The following MTO1 variants were observed in gnomAD, a reference collection of about 807,000 sequenced individuals.
MTO1 encodes the protein 5-taurinomethyluridine-[tRNA] synthase subunit MTO1, mitochondrial.
Under a neutral mutation model 71.6 loss-of-function variants are expected in MTO1, and 46 were observed. That is an observed-to-expected ratio of 0.64 (90% CI 0.51 to 0.82). MTO1 has a LOEUF of 0.82. Among genes scored for constraint, MTO1 ranks in the 40% least tolerant of loss-of-function variants. MTO1 has a pLI of 0.00. For synonymous variants in MTO1, 297 were observed against 312.1 expected (o/e 0.95, Z 0.51); for missense variants, 773 against 867.5 (o/e 0.89, Z 1.37).
chr6:73,496,869 A>G (rs185500613), intron 10 of MTO1, among the ~76,000 whole-genome samples: 11 of 151,852 alleles, frequency 7.2e-5, no homozygotes, highest in African/African-American at 2.7e-4. Flanking sequence ...CCTGGCTAAC[A>G]TGGTGAAAAC....
rs1713862 is a variant in MTO1 at position 73,461,744 on chromosome 6, C to A, written c.-111C>A. 3.7e-6 allele frequency: 4 copies of A among 1,092,624 alleles called. No homozygotes were observed. Among genetic ancestry groups the A allele is most frequent in the African/African-American group, 3.1e-5 (2 of 63,824 alleles). The allele number at this position is 1,092,624 out of a possible 1,614,324, so 67.7% of individuals were successfully genotyped here. On this transcript the variant is annotated 5_prime_UTR_variant, in exon 1 of 12. Transcript: ENST00000498286. Reference sequence around the variant, plus strand: ...GCGACGCTGGACGTAGACGTCCTACCCCGTGATATTAAAGCAAGATGGCCG... The same window carrying A: ...GCGACGCTGGACGTAGACGTCCTACACCGTGATATTAAAGCAAGATGGCCG...
At chr6:73,469,100 C>T (rs1771075818) in intron 3 of MTO1, among the ~76,000 whole-genome samples, 2 of 152,076 alleles carry the variant, frequency 1.3e-5, no homozygotes, top group African/African-American at 4.8e-5. Context: ...CCTCCACCTC[C>T]CAGAGGTGAT....
chr6:73,482,209 G>A lies in MTO1; in HGVS notation c.1430G>A (p.Arg477His), dbSNP rs201544686. The A allele has an allele frequency of 1.5e-4, 239 of 1,614,060 alleles. No individual in the cohort carries two copies. The highest frequency in any genetic ancestry group is 1.6e-4 in the Non-Finnish European group (190 of 1,180,024). Reference sequence around the variant, plus strand: ...CGAGTAGAGTTCCGTTTGTCACTGCGCCCTGATAATGCTGACAGCCGGCTC... The same window carrying A: ...CGAGTAGAGTTCCGTTTGTCACTGCACCCTGATAATGCTGACAGCCGGCTC... Reference protein sequence around the residue: ...TSRVEFRLSLRPDNADSRLTL... With the variant: ...TSRVEFRLSLHPDNADSRLTL... Residue 477 changes from arginine (R) to histidine (H), a missense_variant, in exon 8 of 12, where the codon CGC (arginine) becomes CAC (histidine). Coordinates refer to ENST00000498286, the MANE Select transcript of MTO1 (RefSeq NM_012123.4).
At chr6:73,485,484 G>A (rs1354527718) in intron 9 of MTO1, among the ~76,000 whole-genome samples, 1 of 150,948 alleles carries the variant, frequency 6.6e-6, no homozygotes, top group Non-Finnish European at 1.5e-5. Flanking sequence ...TGTCACCTAG[G>A]CTGGAGTGCA....
chr6:73,480,646 C>T (rs1372044096), intron 6 of MTO1, 29 bp from the exon 7 acceptor site: 1 of 1,612,014 alleles, frequency 6.2e-7, no homozygotes, highest in South Asian at 1.1e-5. Context: ...TCTGTATTTA[C>T]TTATTTAATG....
At chr6:73,477,555 G>T (rs1771361862) in intron 4 of MTO1, among the ~76,000 whole-genome samples, 1 of 147,568 alleles carries the variant, frequency 6.8e-6, no homozygotes, top group African/African-American at 2.5e-5. Flanking sequence ...TGCCCAGGCT[G>T]GAGTGCAGTG....
At chr6:73,477,580 C>T (rs1771362779) in intron 4 of MTO1, among the ~76,000 whole-genome samples, 1 of 149,478 alleles carries the variant, frequency 6.7e-6, no homozygotes, top group Admixed American at 6.7e-5. Flanking sequence ...AATCTCAGCT[C>T]ACTGTAACCT....
At chr6:73,500,514 A>G in intron 11 of MTO1, 60 bp from the exon 12 acceptor site, 2 of 1,453,596 alleles carry the variant, frequency 1.4e-6, no homozygotes, top group Non-Finnish European at 1.9e-6. Flanking sequence ...TTTGGAGGAA[A>G]ATAGATTTGA....
At chr6:73,500,338 C>G (rs1465400732) in intron 11 of MTO1, among the ~76,000 whole-genome samples, 1 of 152,098 alleles carries the variant, frequency 6.6e-6, no homozygotes, top group Non-Finnish European at 1.5e-5. Context: ...GTTATGTAAT[C>G]TTGCACAAGC....
intron 10 of MTO1, among the ~76,000 whole-genome samples, chr6:73,497,181 C>G (rs1772008603): frequency 6.1e-4 from 2 of 3,298 alleles, no homozygotes; most frequent in Admixed American, 1.9e-3. Context: ...GAGACAGAGT[C>G]TCGCTCTGTC....
At chr6:73,476,948 T>C (rs981480600) in intron 4 of MTO1, among the ~76,000 whole-genome samples, 35 of 152,128 alleles carry the variant, frequency 2.3e-4, no homozygotes, top group African/African-American at 7.7e-4. Context: ...CCAACACGCC[T>C]GACTAATTTT....
In MTO1 at chr6:73,497,852, T is replaced by C; in HGVS notation, c.1873T>C (p.Ser625Pro). 1 of 1,613,658 alleles carries C rather than the reference T, an allele frequency of 6.2e-7. No homozygotes were observed. The highest frequency in any genetic ancestry group is 8.5e-7 in the Non-Finnish European group (1 of 1,179,680). ...TTTGACTATCAGGGATGTGTCTTTG[T>C]CCCATGAAGTTCGAGAGAAACTACA... ...DYLTIRDVSL[S>P]HEVREKLHFS... is the part of the protein sequence containing the mutation. The change falls in exon 11 of 12, where the codon TCC (serine) becomes CCC (proline). Residue 625 changes from serine (S) to proline (P), a missense_variant. Ser to Pro is a moderately conservative substitution (Grantham distance 74). Transcript: ENST00000498286.
chr6:73,482,692 C>A, intron 9 of MTO1, 72 bp downstream of exon 9: 1 of 1,307,222 alleles, frequency 7.6e-7, no homozygotes. Flanking sequence ...TTCATAGAGA[C>A]ATTACCTATG....
intron 4 of MTO1, among the ~76,000 whole-genome samples, chr6:73,475,654 A>C (rs1293404674): frequency 6.6e-6 from 1 of 151,998 alleles, no homozygotes; most frequent in Non-Finnish European, 1.5e-5. Context: ...AGCTGGGATT[A>C]CAGGCATGTG....
intron 9 of MTO1, 88 bp downstream of exon 9, chr6:73,482,708 C>T: frequency 9.4e-7 from 1 of 1,059,496 alleles, no homozygotes; most frequent in Non-Finnish European, 1.3e-6. Context: ...CTATGTGTTC[C>T]TACCTACACA....
In MTO1 at chr6:73,497,747, T is replaced by A; in HGVS notation, c.1768T>A (p.Ser590Thr). ...ATTTTGTTGACCAGCCACTTATGAA[T>A]CAGTGTTGTTCCATCAACTACAAGA... is the stretch of plus-strand genomic sequence containing the variant. ...ERLKIEATYE[S>T]VLFHQLQEIK... The change falls in exon 11 of 12, where the codon TCA becomes ACA. Residue 590 changes from serine (S) to threonine (T), a missense_variant. Transcript: ENST00000498286. 6.2e-7 allele frequency: 1 copy of A among 1,612,552 alleles called. No individual in the cohort carries two copies. Among genetic ancestry groups the A allele is most frequent in the South Asian group, 1.1e-5 (1 of 90,894 alleles).
rs1772348025 is a variant in MTO1, at chr6:73,508,534, C to G, written c.*7799C>G. 1 of 152,110 alleles carries G rather than the reference C, an allele frequency of 6.6e-6. No homozygotes were observed. The allele number at this position is 152,110 out of a possible 1,614,324, so 9.4% of individuals were successfully genotyped here. A position where few individuals can be genotyped will look rare whatever the true frequency, so the allele number is the denominator to read the frequency against. ...TGGTGTTTCAAGTAATTTAAGAAAACTGTTGGAATTTTCTGTATTTCCAGT... is the reference window on the plus strand; with the variant it reads ...TGGTGTTTCAAGTAATTTAAGAAAAGTGTTGGAATTTTCTGTATTTCCAGT... On this transcript the variant is annotated 3_prime_UTR_variant, in exon 12 of 12. Coordinates refer to ENST00000498286, the MANE Select transcript of MTO1 (RefSeq NM_012123.4).
At chr6:73,464,740 C>G (rs1770928558) in intron 1 of MTO1, among the ~76,000 whole-genome samples, 1 of 145,902 alleles carries the variant, frequency 6.9e-6, no homozygotes, top group African/African-American at 2.5e-5. Context: ...GAGGCTGAGG[C>G]AGGAGAATCA....
At chr6:73,494,096 A>C (rs1025251384) in intron 10 of MTO1, among the ~76,000 whole-genome samples, 18 of 151,924 alleles carry the variant, frequency 1.2e-4, no homozygotes, top group Non-Finnish European at 2.5e-4. Flanking sequence ...TTAGCTGAGC[A>C]TGGTGGCAGG....
Sources: allele counts gnomAD v4.1 joint callset (sites outside exome capture counted in the v4.1 genomes callset), GRCh38; gene constraint gnomAD v4.1.1; transcripts MANE v1.5; gene names NCBI Gene and HGNC (gene_info 2026-07-23, HGNC 2026-07-21).